Variants in GPSM1 observed in about 807,000 individuals in gnomAD.
GPSM1 encodes the protein G protein-signaling modulator 1.
In GPSM1, 48 loss-of-function variants were observed where a neutral mutation model predicts 70.5. The observed-to-expected ratio is 0.68, with a 90% CI of 0.54 to 0.87. The LOEUF is 0.87. GPSM1 is among the 40% of genes least tolerant of loss of function. The pLI, the probability that GPSM1 is intolerant of heterozygous loss-of-function variation, is 0.00. For synonymous variants in GPSM1, 416 were observed against 430.1 expected (o/e 0.97, Z 0.41); for missense variants, 981 against 972.6 (o/e 1.01, Z -0.11).
chr9:136,356,531 A>G lies in GPSM1; in HGVS notation c.1802A>G (p.Asn601Ser), dbSNP rs781926492. 1.3e-5 allele frequency: 21 copies of G among 1,611,310 alleles called. No individual in the cohort carries two copies. The highest frequency in any genetic ancestry group is 1.7e-5 in the Non-Finnish European group (20 of 1,178,984). The change falls in exon 13 of 14, where the codon AAC becomes AGC. Residue 601 changes from asparagine to serine, a missense_variant. Transcript: ENST00000440944. ...EPQEPGDDFF[N>S]MLIKYQSSRI... ...CAGGAGCCGGGGGACGACTTCTTCA[A>G]CATGCTCATCAAGTACCAGGTGGGC...
intron 7 of GPSM1, 73 bp from the exon 8 acceptor site, chr9:136,339,634 C>A: frequency 2.8e-6 from 3 of 1,074,280 alleles, no homozygotes; most frequent in Non-Finnish European, 4.2e-6. Context: ...GGGCCGTGAC[C>A]ACCAGGGGAG....
chr9:136,338,841 G>A lies in GPSM1; in HGVS notation c.974+131G>A, dbSNP rs991001814. 112 of 940,958 alleles carry A rather than the reference G, an allele frequency of 1.2e-4. 1 individual carries two copies. Among genetic ancestry groups the A allele is most frequent in the East Asian group, 1.1e-3 (40 of 37,448 alleles). 58.3% of individuals were successfully genotyped at this position (940,958 alleles called of 1,614,324 possible). On this transcript the variant is annotated intron_variant, in intron 7 of 13. Coordinates refer to ENST00000440944, the MANE Select transcript of GPSM1 (RefSeq NM_001145638.3). Reference sequence around the variant, plus strand: ...CATGCTGTGACCCAGGAGTGGCAACGCCACTGTGGGGACTGAGCCAGACAG... The same window carrying A: ...CATGCTGTGACCCAGGAGTGGCAACACCACTGTGGGGACTGAGCCAGACAG...
At chr9:136,330,102 G>A (rs937021298) in intron 1 of GPSM1, among the ~76,000 whole-genome samples, 1 of 152,130 alleles carries the variant, frequency 6.6e-6, no homozygotes, top group Non-Finnish European at 1.5e-5. Flanking sequence ...AAGAGGCCTG[G>A]CGGGGACAGG....
rs1554769140 is a variant in GPSM1 at position 136,335,949 on chromosome 9, T to C, written c.291-17T>C. The stretch of plus-strand genomic sequence containing the variant: ...ACCAGTCCTCAGCCTGACCCCTCAC[T>C]CCTCCCTGCCATCCAGGACCATCGG... On this transcript the variant is annotated splice_polypyrimidine_tract_variant and intron_variant, in intron 2 of 13. Coordinates refer to ENST00000440944, the MANE Select transcript of GPSM1 (RefSeq NM_001145638.3). 1.2e-6 allele frequency: 2 copies of C among 1,610,122 alleles called. No homozygotes were observed. Among genetic ancestry groups the C allele is most frequent in the South Asian group, 2.2e-5 (2 of 90,700 alleles).
chr9:136,348,449 G>A (rs1832577475), intron 9 of GPSM1, among the ~76,000 whole-genome samples: 1 of 152,230 alleles, frequency 6.6e-6, no homozygotes, highest in Admixed American at 6.5e-5. Context: ...AGCACAGGGA[G>A]CCAAAGCCAG....
At chr9:136,347,427 G>A (rs1832549172) in intron 9 of GPSM1, among the ~76,000 whole-genome samples, 2 of 152,190 alleles carry the variant, frequency 1.3e-5, no homozygotes, top group South Asian at 4.1e-4. Context: ...TGGGCATAGG[G>A]GGGTGGGAGC....
chr9:136,357,664 C>T (rs1283237299), intron 13 of GPSM1, among the ~76,000 whole-genome samples: 2 of 152,220 alleles, frequency 1.3e-5, no homozygotes. Context: ...CACGCATGCC[C>T]GTCCCTGGGG....
intron 11 of GPSM1, among the ~76,000 whole-genome samples, chr9:136,352,498 G>A (rs1294015474): frequency 6.6e-6 from 1 of 152,252 alleles, no homozygotes; most frequent in African/African-American, 2.4e-5. Context: ...GGCAGGGTTG[G>A]CCTCAGAGGC....
Position 136,340,219 on chromosome 9 carries a change from C to T in GPSM1, c.1083+404C>T, listed in dbSNP as rs1274257951. Among the ~76,000 whole-genome samples, 3 of 152,186 alleles carry T rather than the reference C, an allele frequency of 2.0e-5. No individual in the cohort carries two copies. The highest frequency in any genetic ancestry group is 7.2e-5 in the African/African-American group (3 of 41,444). Reference sequence around the variant, plus strand: ...ACCCCGAGCCTGTTCATGCTAAAGACGGTGCCAGCCCCTACTGACCACCAT... The same window carrying T: ...ACCCCGAGCCTGTTCATGCTAAAGATGGTGCCAGCCCCTACTGACCACCAT... On this transcript the variant is annotated intron_variant, in intron 8 of 13. Coordinates refer to ENST00000440944, the MANE Select transcript of GPSM1 (RefSeq NM_001145638.3). This position sits in a 1 kb window ranked among gnomAD's most constrained non-coding sequence, Gnocchi z 7.3.
Position 136,341,200 on chromosome 9 carries a change from G to C in GPSM1, c.1207+207G>C, listed in dbSNP as rs781848349. The C allele has an allele frequency of 6.5e-7, 1 of 1,540,018 alleles. No individual in the cohort carries two copies. The highest frequency in any genetic ancestry group is 8.8e-7 in the Non-Finnish European group (1 of 1,141,478). The stretch of plus-strand genomic sequence containing the variant: ...CCTTCCCACCCGCATCCTGAGTGGC[G>C]CTGCAGGGCTGCTGGATGAAGGACA... On this transcript the variant is annotated intron_variant, in intron 9 of 13. Transcript: ENST00000440944. This position sits in a 1 kb window ranked among gnomAD's most constrained non-coding sequence, Gnocchi z 6.7.
rs147111451 is a variant in GPSM1 at position 136,345,945 on chromosome 9, G to A, written c.1208-2752G>A. On this transcript the variant is annotated intron_variant, in intron 9 of 13. Coordinates refer to ENST00000440944, the MANE Select transcript of GPSM1 (RefSeq NM_001145638.3). ...AAGCTGCACCACCCGAGGCTGGGGC[G>A]GCTCCACCTCAGTGCCTGGCCGGAT... 4.1e-3 allele frequency among the ~76,000 whole-genome samples: 619 copies of A among 152,306 alleles called. 3 individuals are homozygous for A. The highest frequency in any genetic ancestry group is 0.014 in the African/African-American group (576 of 41,572).
At chr9:136,345,343 G>A (rs1205940250) in intron 9 of GPSM1, among the ~76,000 whole-genome samples, 1 of 152,226 alleles carries the variant, frequency 6.6e-6, no homozygotes, top group Admixed American at 6.5e-5. Flanking sequence ...AGGAAGCCAA[G>A]CCAGTGGGCC....
chr9:136,331,137 C>T (rs1588688269), intron 1 of GPSM1, among the ~76,000 whole-genome samples: 1 of 152,278 alleles, frequency 6.6e-6, no homozygotes, highest in Non-Finnish European at 1.5e-5. Flanking sequence ...AAGCTGGGAG[C>T]CCAGCTGAGA....
intron 9 of GPSM1, among the ~76,000 whole-genome samples, 170 bp from the exon 10 acceptor site, chr9:136,348,527 G>A (rs1832579790): frequency 1.3e-5 from 2 of 152,222 alleles, no homozygotes; most frequent in African/African-American, 4.8e-5. Flanking sequence ...TGACAGTACA[G>A]TCGGGGAGAC....
intron 1 of GPSM1, among the ~76,000 whole-genome samples, chr9:136,328,633 G>A (rs1554768208): frequency 6.6e-6 from 1 of 152,254 alleles, no homozygotes; most frequent in Non-Finnish European, 1.5e-5. Flanking sequence ...CCCCAGCCAA[G>A]CAGCAAGCCT....
rs1462361829 is a variant in GPSM1 at position 136,331,932 on chromosome 9, C to G, written c.69-2515C>G. 11 of 397,924 alleles carry G rather than the reference C, an allele frequency of 2.8e-5. No individual in the cohort carries two copies. The Admixed American group carries it at 4.4e-4, about 16-fold the overall frequency. 24.6% of individuals were successfully genotyped at this position (397,924 alleles called of 1,614,324 possible). On this transcript the variant is annotated intron_variant, in intron 1 of 13. Coordinates refer to ENST00000440944, the MANE Select transcript of GPSM1 (RefSeq NM_001145638.3). The stretch of plus-strand genomic sequence containing the variant: ...GGTCAGAGGGCAGGGAAGCCTAAGG[C>G]CAGCCCACCCCCCAGGACCCGTGGC...
At chr9:136,353,090 C>T (rs1832715694) in intron 11 of GPSM1, 1 of 985,470 alleles carries the variant, frequency 1.0e-6, no homozygotes, top group Non-Finnish European at 1.2e-6. Flanking sequence ...TGTGTCCTGC[C>T]TGCGCTCTGT....
Position 136,341,070 on chromosome 9 carries a change from G to C in GPSM1, c.1207+77G>C. On this transcript the variant is annotated intron_variant, in intron 9 of 13. Coordinates refer to ENST00000440944, the MANE Select transcript of GPSM1 (RefSeq NM_001145638.3). This position sits in a 1 kb window ranked among gnomAD's most constrained non-coding sequence, Gnocchi z 6.7. ...TCAGGAGCTGCGGAGGGGTGGGATC[G>C]AGGCCAGGCCAGCATGGCGGAGGTG... is the stretch of plus-strand genomic sequence containing the variant. 1 of 1,551,042 alleles carries C rather than the reference G, an allele frequency of 6.4e-7. No individual in the cohort carries two copies. Among genetic ancestry groups the C allele is most frequent in the Non-Finnish European group, 8.7e-7 (1 of 1,147,446 alleles).
intron 13 of GPSM1, 127 bp from the exon 14 acceptor site, chr9:136,357,887 A>G (rs2131420020): frequency 1.4e-6 from 1 of 705,986 alleles, no homozygotes; most frequent in East Asian, 3.0e-5. Flanking sequence ...CCCAGAACCA[A>G]TTTCCTGGGT....
Sources: gnomAD v4.1 joint callset for allele counts (sites outside exome capture counted in the v4.1 genomes callset) on GRCh38, gnomAD v4.1.1 for gene constraint, Gnocchi (gnomAD v3.1) non-coding constraint, MANE v1.5 for transcripts, NCBI Gene and HGNC (gene_info 2026-07-23, HGNC 2026-07-21) for gene names.